WWP1: variants seen among roughly 807,000 people sequenced by gnomAD.
The protein encoded by WWP1 is NEDD4-like E3 ubiquitin-protein ligase WWP1.
In WWP1, 49 loss-of-function variants were observed where a neutral mutation model predicts 130.6. The observed-to-expected ratio is 0.38, with a 90% CI of 0.30 to 0.48. WWP1 has a LOEUF of 0.48. WWP1 is among the 20% of genes least tolerant of loss of function. WWP1 has a pLI of 0.99. For missense variants in WWP1, 809 were observed against 1,100.6 expected, an observed-to-expected ratio of 0.74 and a Z score of 3.75; for synonymous variants, 332 against 367.8, an observed-to-expected ratio of 0.90 and a Z score of 1.11.
chr8:86,390,154 G>A (rs1048933534), intron 5 of WWP1, among the ~76,000 whole-genome samples: 25 of 151,620 alleles, frequency 1.6e-4, no homozygotes, highest in African/African-American at 5.6e-4. Flanking sequence ...GGGCAGACAC[G>A]CTCCTCACTT....
In WWP1 at chr8:86,431,606, AT is replaced by A. The variant is rs771418233; in HGVS notation, c.1473-8del. 87 of 1,612,932 alleles carry A rather than the reference AT, an allele frequency of 5.4e-5. No individual in the cohort carries two copies. Among genetic ancestry groups the A allele is most frequent in the Non-Finnish European group, 7.0e-5 (82 of 1,179,726 alleles). ...AGGTTCATCTTGTGATTTTAACTTT[AT>A]CTTTTAGCTTACAGAATGAAGAACC... On this transcript the variant is annotated splice_polypyrimidine_tract_variant and splice_region_variant and intron_variant, in intron 13 of 24. Coordinates refer to ENST00000517970, the MANE Select transcript of WWP1 (RefSeq NM_007013.4).
At chr8:86,370,461 C>G (rs1824221718) in intron 2 of WWP1, among the ~76,000 whole-genome samples, 1 of 152,148 alleles carries the variant, frequency 6.6e-6, no homozygotes. Context: ...ATAGAGTACT[C>G]CTTGGAAGAC....
chr8:86,391,956 T>C (rs572302443), intron 5 of WWP1, among the ~76,000 whole-genome samples: 1 of 152,328 alleles, frequency 6.6e-6, no homozygotes, highest in African/African-American at 2.4e-5. Flanking sequence ...CCGTTTTTAG[T>C]AAATGCTCTA....
intron 5 of WWP1, among the ~76,000 whole-genome samples, chr8:86,391,808 G>T (rs571196581): frequency 1.3e-5 from 2 of 152,218 alleles, no homozygotes; most frequent in South Asian, 4.2e-4. Context: ...ACGAAGTCAG[G>T]ATTCTGTCCT....
intron 14 of WWP1, among the ~76,000 whole-genome samples, chr8:86,433,416 G>T (rs1430882677): frequency 2.6e-5 from 4 of 151,616 alleles, no homozygotes; most frequent in African/African-American, 9.7e-5. Flanking sequence ...GGTAGGTCCT[G>T]TAAAACCTGC....
intron 8 of WWP1, among the ~76,000 whole-genome samples, chr8:86,407,997 A>G (rs557479485): frequency 2.8e-4 from 42 of 152,210 alleles, no homozygotes; most frequent in Non-Finnish European, 4.0e-4. Flanking sequence ...CGTCATGTAC[A>G]CACCATTACA....
intron 5 of WWP1, among the ~76,000 whole-genome samples, chr8:86,391,714 C>G (rs1807348697): frequency 6.6e-6 from 1 of 151,860 alleles, no homozygotes; most frequent in Admixed American, 6.6e-5. Flanking sequence ...AATGGAGGCT[C>G]AGTAGAGTCA....
chr8:86,446,822 AGAG>A lies in WWP1; in HGVS notation c.1999-1319_1999-1317del, dbSNP rs538227792. On this transcript the variant is annotated intron_variant, in intron 18 of 24. Transcript: ENST00000517970. ...TGAGAGCAATGGGCTTGAGTTGGAG[AGAG>A]GAGGAGATTTATTTAGCACACACAC... Among the ~76,000 whole-genome samples the A allele has an allele frequency of 1.7e-4, 26 of 152,270 alleles. No individual in the cohort carries two copies. In the East Asian group the frequency reaches 5.0e-3, roughly 29 times the overall value.
intron 1 of WWP1, among the ~76,000 whole-genome samples, chr8:86,366,093 A>G (rs1586270873): frequency 6.6e-6 from 1 of 152,262 alleles, no homozygotes; most frequent in Non-Finnish European, 1.5e-5. Flanking sequence ...GGTCCCCTAC[A>G]GTGAAGGGAT....
At chr8:86,423,994 A>AGGG (rs1343415067) in intron 9 of WWP1, among the ~76,000 whole-genome samples, 12 of 42,872 alleles carry the variant, frequency 2.8e-4, no homozygotes, top group Non-Finnish European at 5.5e-4. Context: ...GCTGCCCCCC[A>AGGG]CCTCCCTCCC....
intron 24 of WWP1, among the ~76,000 whole-genome samples, chr8:86,463,586 G>A (rs1023339869): frequency 4.0e-5 from 6 of 151,894 alleles, no homozygotes; most frequent in African/African-American, 1.2e-4. Context: ...GATTACAGGC[G>A]TGAGCCACCA....
At chr8:86,395,657 A>G (rs1263008634) in intron 5 of WWP1, among the ~76,000 whole-genome samples, 2 of 152,198 alleles carry the variant, frequency 1.3e-5, no homozygotes, top group African/African-American at 4.8e-5. Flanking sequence ...ACCTCCCCAT[A>G]TCATAGTGAA....
At chr8:86,427,873 T>C in intron 11 of WWP1, 56 bp downstream of exon 11, 5 of 370,540 alleles carry the variant, frequency 1.3e-5, no homozygotes, top group Non-Finnish European at 1.6e-5. Context: ...TGTTTCTTTC[T>C]TTTTTTTTTT....
At chr8:86,410,548 G>C (rs947345131) in intron 8 of WWP1, among the ~76,000 whole-genome samples, 2 of 152,000 alleles carry the variant, frequency 1.3e-5, no homozygotes. Flanking sequence ...CAGATCCCCA[G>C]GTTCTTCCCT....
intron 2 of WWP1, among the ~76,000 whole-genome samples, chr8:86,369,593 T>C (rs1824168508): frequency 1.3e-5 from 2 of 152,180 alleles, no homozygotes; most frequent in Admixed American, 6.5e-5. Flanking sequence ...TTGTAAACTT[T>C]TAAGATTCTT....
At chr8:86,428,846 A>G (rs762475679) in intron 11 of WWP1, among the ~76,000 whole-genome samples, 18 of 152,322 alleles carry the variant, frequency 1.2e-4, no homozygotes, top group African/African-American at 4.1e-4. Flanking sequence ...AAAGTAATAC[A>G]TATAGCTTTG....
rs369046585 is a variant in WWP1, at chr8:86,359,619, AGAGT to A, written c.-114-9319_-114-9316del. On this transcript the variant is annotated intron_variant, in intron 1 of 24. Coordinates refer to ENST00000517970, the MANE Select transcript of WWP1 (RefSeq NM_007013.4). ...AGCATTCTTTTCTCTTCCAAATCTCAGAGTAAGAGCGGTTTTGTCTATACCTGTG... is the reference window on the plus strand; with the variant it reads ...AGCATTCTTTTCTCTTCCAAATCTCAAAGAGCGGTTTTGTCTATACCTGTG... 7.9e-4 allele frequency among the ~76,000 whole-genome samples: 120 copies of A among 152,094 alleles called. 1 individual carries two copies. The highest frequency in any genetic ancestry group is 2.8e-3 in the African/African-American group (118 of 41,478).
chr8:86,433,251 T>TA (rs1445090728), intron 14 of WWP1, among the ~76,000 whole-genome samples: 1 of 148,104 alleles, frequency 6.8e-6, no homozygotes, highest in Non-Finnish European at 1.5e-5. Flanking sequence ...TTTTTTTTGT[T>TA]AACTACATTC....
chr8:86,406,160 A>G (rs1021781758), intron 8 of WWP1, among the ~76,000 whole-genome samples: 6 of 152,196 alleles, frequency 3.9e-5, no homozygotes, highest in Non-Finnish European at 7.3e-5. Flanking sequence ...ACCACTTGCC[A>G]TGTTAACTCT....
Sources: allele counts gnomAD v4.1 joint callset (sites outside exome capture counted in the v4.1 genomes callset), GRCh38; gene constraint gnomAD v4.1.1; transcripts MANE v1.5; gene names NCBI Gene and HGNC (gene_info 2026-07-23, HGNC 2026-07-21).